CFHR1: variants seen among roughly 807,000 people sequenced by gnomAD.
CFHR1 encodes the protein complement factor H related 1, also known as complement factor H-related protein 1.
A neutral mutation model predicts 30.4 loss-of-function variants in CFHR1; 22 were observed. The ratio of observed to expected loss-of-function variants is 0.72; its 90% CI spans 0.52 to 1.03. The LOEUF (loss-of-function observed/expected upper bound fraction) is 1.03, where lower values mean the gene tolerates loss of function less well. Among genes scored for constraint, CFHR1 ranks in the 50% least tolerant of loss-of-function variants. CFHR1 has a pLI of 0.00. For missense variants in CFHR1, 248 were observed against 380.6 expected (o/e 0.65, Z 2.90); for synonymous variants, 95 against 129.1 (o/e 0.74, Z 1.79).
chr1:196,826,954 A>T lies in CFHR1; in HGVS notation c.379A>T (p.Ile127Phe). 6.6e-7 allele frequency: 1 copy of T among 1,525,714 alleles called. No homozygotes were observed. The highest frequency in any genetic ancestry group is 8.9e-7 in the Non-Finnish European group (1 of 1,129,618). 94.5% of individuals were successfully genotyped at this position (1,525,714 alleles called of 1,614,324 possible). ...GYRLQNNENN[I>F]SCVERGWSTP... ...CAGACTTCAAAACAATGAGAACAACATTTCATGTGTAGAACGGGGCTGGTC... is the reference window on the plus strand; with the variant it reads ...CAGACTTCAAAACAATGAGAACAACTTTTCATGTGTAGAACGGGGCTGGTC... The change falls in exon 3 of 6, where the codon ATT becomes TTT. Residue 127 changes from isoleucine to phenylalanine, a missense_variant. By Grantham distance (21) the Ile-to-Phe change is conservative. This residue lies in a region of CFHR1 where 121 missense variants were observed against 162.6 expected (regional missense o/e 0.74). Coordinates refer to ENST00000320493, the MANE Select transcript of CFHR1 (RefSeq NM_002113.3).
chr1:196,826,996 A>C lies in CFHR1; in HGVS notation c.421A>C (p.Arg141=). The change falls in exon 3 of 6, where the codon AGG becomes CGG. Residue 141 remains arginine (R), a synonymous_variant. Coordinates refer to ENST00000320493, the MANE Select transcript of CFHR1 (RefSeq NM_002113.3). ...ERGWSTPPKC[R]STDTSCVNPP... is the part of the protein sequence containing the mutation. ...GGGCTGGTCCACCCCTCCCAAATGC[A>C]GGTCCACTGGTAAGTACAATGCTGT... The C allele has an allele frequency of 1.3e-6, 2 of 1,524,612 alleles. No individual in the cohort carries two copies. The highest frequency in any genetic ancestry group is 1.8e-6 in the Non-Finnish European group (2 of 1,128,756). 94.4% of individuals were successfully genotyped at this position (1,524,612 alleles called of 1,614,324 possible).
rs370261592 is a variant in CFHR1, at chr1:196,826,833, G to A, written c.258G>A (p.Leu86=). The change falls in exon 3 of 6, where the codon CTG becomes CTA. Residue 86 remains leucine (L), a synonymous_variant. Transcript: ENST00000320493. ...GWSPTPKCLR[L]CFFPFVENGH... The stretch of plus-strand genomic sequence containing the variant: ...TAATCCGTTTTTGGTCCTTAGGACT[G>A]TGTTTCTTTCCTTTTGTGGAAAATG... The A allele has an allele frequency of 1.6e-5, 24 of 1,523,788 alleles. 4 individuals are homozygous for A. The highest frequency in any genetic ancestry group is 2.0e-5 in the Non-Finnish European group (23 of 1,128,818). 94.4% of individuals were successfully genotyped at this position (1,523,788 alleles called of 1,614,324 possible). A position where few individuals can be genotyped will look rare whatever the true frequency, so the allele number is the denominator to read the frequency against.
At chr1:196,829,991 A>G (rs1156307953) in intron 4 of CFHR1, among the ~76,000 whole-genome samples, 1 of 134,554 alleles carries the variant, frequency 7.4e-6, no homozygotes, top group East Asian at 2.0e-4. Flanking sequence ...CAGAGTGGGT[A>G]ATTTATATTG....
rs1655474159 is a variant in CFHR1 at position 196,829,845 on chromosome 1, G to C, written c.608-655G>C. ...TAAGTTTATGCCTTATTGTCAAAAT[G>C]GGAAGTTTTCAGGTATCCTTTTATT... On this transcript the variant is annotated intron_variant, in intron 4 of 5. Transcript: ENST00000320493. Among the ~76,000 whole-genome samples the C allele has an allele frequency of 2.2e-5, 3 of 134,422 alleles. No homozygotes were observed. In the South Asian group the frequency reaches 7.7e-4, roughly 34 times the overall value. The allele number at this position is 134,422 out of a possible 152,430, so 88.2% of individuals were successfully genotyped here.
chr1:196,831,707 C>G (rs1655565601), intron 5 of CFHR1, 90 bp from the exon 6 acceptor site: 5 of 1,355,178 alleles, frequency 3.7e-6, no homozygotes, highest in Non-Finnish European at 3.0e-6. Context: ...AATTCCTGAA[C>G]CATCATATAA....
rs1655350452 is a variant in CFHR1, at chr1:196,826,947, GAAC to G, written c.377_379del (p.Asn126del). The G allele has an allele frequency of 2.6e-6, 4 of 1,525,422 alleles. 2 individuals carry two copies. The African/African-American group carries it at 6.9e-5, about 26-fold the overall frequency. 94.5% of individuals were successfully genotyped at this position (1,525,422 alleles called of 1,614,324 possible). On this transcript the variant is annotated inframe_deletion, in exon 3 of 6. Coordinates refer to ENST00000320493, the MANE Select transcript of CFHR1 (RefSeq NM_002113.3). ...CAGGATACAGACTTCAAAACAATGA[GAAC>G]AACATTTCATGTGTAGAACGGGGCT...
intron 2 of CFHR1, among the ~76,000 whole-genome samples, chr1:196,826,411 A>G (rs1308423946): frequency 7.4e-6 from 1 of 135,066 alleles, no homozygotes. Context: ...ATATAGTAGC[A>G]TGAGTTAACT....
In CFHR1 at chr1:196,826,962, T is replaced by A. The variant is rs202193350; in HGVS notation, c.387T>A (p.Cys129Ter). 1 of 1,525,714 alleles carries A rather than the reference T, an allele frequency of 6.6e-7. No homozygotes were observed. Among genetic ancestry groups the A allele is most frequent in the East Asian group, 2.2e-5 (1 of 44,632 alleles). 94.5% of individuals were successfully genotyped at this position (1,525,714 alleles called of 1,614,324 possible). The change falls in exon 3 of 6, where the codon TGT (cysteine) becomes TGA (stop). Residue 129 changes from cysteine to a stop codon, truncating the protein, a stop_gained. Transcript: ENST00000320493. LOFTEE classifies it high-confidence loss of function. The stretch of plus-strand genomic sequence containing the variant: ...AAAACAATGAGAACAACATTTCATG[T>A]GTAGAACGGGGCTGGTCCACCCCTC... Reference protein sequence around the residue: ...RLQNNENNISCVERGWSTPPK... With the variant: ...RLQNNENNIS
intron 5 of CFHR1, 135 bp downstream of exon 5, chr1:196,830,817 A>C: frequency 1.6e-6 from 2 of 1,241,298 alleles, no homozygotes; most frequent in Non-Finnish European, 2.2e-6. Flanking sequence ...TTTCTTTTAG[A>C]AAGTAAAGTT....
intron 1 of CFHR1, chr1:196,821,093 C>T (rs1655104127): frequency 7.1e-6 from 1 of 141,184 alleles, no homozygotes. Context: ...CCCGCCTCGG[C>T]CTCCCACAGT....
At chr1:196,828,531 C>T in intron 4 of CFHR1, among the ~76,000 whole-genome samples, 1 of 131,682 alleles carries the variant, frequency 7.6e-6, no homozygotes, top group Non-Finnish European at 1.6e-5. Context: ...ATAAAAGATA[C>T]ATTATGTGCA....
chr1:196,827,543 C>G (rs1655383453), intron 3 of CFHR1, among the ~76,000 whole-genome samples: 1 of 134,724 alleles, frequency 7.4e-6, no homozygotes, highest in Admixed American at 7.1e-5. Context: ...TTTGATTAAC[C>G]ATTCTTCTTC....
At position 196,827,781 on chromosome 1, in the gene CFHR1, T is replaced by G. The variant is rs1444766289; in HGVS notation, c.431-289T>G. Among the ~76,000 whole-genome samples, 10 of 131,918 alleles carry G rather than the reference T, an allele frequency of 7.6e-5. 4 individuals carry two copies. The highest frequency in any genetic ancestry group is 4.4e-4 in the Admixed American group (6 of 13,622). 86.5% of individuals were successfully genotyped at this position (131,918 alleles called of 152,430 possible). A position where few individuals can be genotyped will look rare whatever the true frequency, so the allele number is the denominator to read the frequency against. ...GTTTACTCAAACTCAAAGAGAGATATCCAGGAAAACTTTCGTTTACACTGG... is the reference window on the plus strand; with the variant it reads ...GTTTACTCAAACTCAAAGAGAGATAGCCAGGAAAACTTTCGTTTACACTGG... On this transcript the variant is annotated intron_variant, in intron 3 of 5. Transcript: ENST00000320493.
intron 3 of CFHR1, among the ~76,000 whole-genome samples, chr1:196,827,218 A>G (rs1655363762): frequency 7.4e-6 from 1 of 135,688 alleles, no homozygotes; most frequent in Admixed American, 7.1e-5. Context: ...CTAAACCGGT[A>G]GCATCATCAT....
intron 1 of CFHR1, among the ~76,000 whole-genome samples, chr1:196,823,537 C>T (rs899697563): frequency 7.4e-6 from 1 of 135,154 alleles, no homozygotes; most frequent in Non-Finnish European, 1.6e-5. Context: ...TAATCAATTT[C>T]AGGTTTCACA....
rs1438793342 is a variant in CFHR1 at position 196,820,529 on chromosome 1, C to T, written c.58+627C>T. ...ACTGCTTCTTATGATATTTTATAAA[C>T]GGTCCCATTTTATTTCATGTTGAAA... On this transcript the variant is annotated intron_variant, in intron 1 of 5. Coordinates refer to ENST00000320493, the MANE Select transcript of CFHR1 (RefSeq NM_002113.3). 1.7e-4 allele frequency among the ~76,000 whole-genome samples: 20 copies of T among 120,496 alleles called. 3 individuals carry two copies. The highest frequency in any genetic ancestry group is 4.2e-4 in the East Asian group (2 of 4,728). The allele number at this position is 120,496 out of a possible 152,430, so 79.1% of individuals were successfully genotyped here. A position where few individuals can be genotyped will look rare whatever the true frequency, so the allele number is the denominator to read the frequency against.
Position 196,832,087 on chromosome 1 carries a change from T to C in CFHR1, c.*88T>C. ...TTTTTAAGTATTGTTTTACTCCTTT[T>C]TATTCATACGTAAAATTTTGGATTA... is the stretch of plus-strand genomic sequence containing the variant. On this transcript the variant is annotated 3_prime_UTR_variant, in exon 6 of 6. Transcript: ENST00000320493. The C allele has an allele frequency of 8.0e-7, 1 of 1,246,804 alleles. No individual in the cohort carries two copies. The allele number at this position is 1,246,804 out of a possible 1,614,324, so 77.2% of individuals were successfully genotyped here. A position where few individuals can be genotyped will look rare whatever the true frequency, so the allele number is the denominator to read the frequency against.
chr1:196,830,435 C>G, intron 4 of CFHR1, 65 bp from the exon 5 acceptor site: 1 of 1,464,482 alleles, frequency 6.8e-7, no homozygotes, highest in Non-Finnish European at 9.3e-7. Flanking sequence ...TTGTATTTGC[C>G]TTATTTGAAC....
In CFHR1 at chr1:196,825,024, C is replaced by T. The variant is rs1309547118; in HGVS notation, c.59-453C>T. Among the ~76,000 whole-genome samples, 10 of 129,336 alleles carry T rather than the reference C, an allele frequency of 7.7e-5. 3 individuals are homozygous for T. Among genetic ancestry groups the T allele is most frequent in the African/African-American group, 2.7e-4 (8 of 29,408 alleles). The allele number at this position is 129,336 out of a possible 152,430, so 84.8% of individuals were successfully genotyped here. ...CTACATATCCAACATCTTTACTGCA[C>T]CAGAAAAAAAAATAGGACAGAGTTT... On this transcript the variant is annotated intron_variant, in intron 1 of 5. Transcript: ENST00000320493.
Sources: allele counts gnomAD v4.1 joint callset (sites outside exome capture counted in the v4.1 genomes callset), GRCh38; gene constraint gnomAD v4.1.1; regional missense constraint gnomAD v4.1.1; transcripts MANE v1.5; gene names NCBI Gene and HGNC (gene_info 2026-07-23, HGNC 2026-07-21).